The following CEP112 variants were observed in gnomAD, a reference collection of about 807,000 sequenced individuals.
The protein encoded by CEP112 is centrosomal protein 112.
Under a neutral mutation model 153.0 loss-of-function variants are expected in CEP112, and 127 were observed. The ratio of observed to expected loss-of-function variants is 0.83; its 90% CI spans 0.72 to 0.96. The LOEUF (loss-of-function observed/expected upper bound fraction) is 0.96. Among genes scored for constraint, CEP112 ranks in the 40% least tolerant of loss-of-function variants. The probability of loss-of-function intolerance (pLI) is 0.00; values close to 1 mark genes in which losing one functional copy is unlikely to be tolerated. For missense variants in CEP112, 1,089 were observed against 1,101.2 expected (o/e 0.99, Z 0.16); for synonymous variants, 358 against 374.4 (o/e 0.96, Z 0.51).
At chr17:66,100,890 T>C (rs959704959) in intron 6 of CEP112, among the ~76,000 whole-genome samples, 1 of 152,098 alleles carries the variant, frequency 6.6e-6, no homozygotes, top group Non-Finnish European at 1.5e-5. Flanking sequence ...ATAAGTAATA[T>C]AGAGATTATT....
In CEP112 at chr17:65,852,021, A is replaced by G. The variant is rs775535059; in HGVS notation, c.2177T>C (p.Met726Thr). ...TCTCAACTTGTGAACCTGGGCCTCC[A>G]TGTCGGCAATAACCTTGTTTTTAAA... ...KKRDAQVIADMEAQVHKLREE... is the reference protein window; with the variant it reads ...KKRDAQVIADTEAQVHKLREE... The change falls in exon 21 of 27, where the codon ATG (methionine) becomes ACG (threonine). Residue 726 changes from methionine to threonine, a missense_variant. Met to Thr is a moderately conservative substitution (Grantham distance 81, BLOSUM62 -1). Transcript: ENST00000535342. 1 of 1,608,350 alleles carries G rather than the reference A, an allele frequency of 6.2e-7. No individual in the cohort carries two copies. Among genetic ancestry groups the G allele is most frequent in the Non-Finnish European group, 8.5e-7 (1 of 1,178,614 alleles).
In CEP112 at chr17:66,179,884, G is replaced by C. The variant is rs76411329; in HGVS notation, c.107-2864C>G. 0.04 allele frequency among the ~76,000 whole-genome samples: 6,117 copies of C among 151,820 alleles called. 1,044 individuals are homozygous for C. In the East Asian group the frequency reaches 0.61, roughly 15 times the overall value. On this transcript the variant is annotated intron_variant, in intron 2 of 26. Transcript: ENST00000535342. ...TACTTTGATACCCAGTTTTTTTTAG[G>C]GTTTTTATCATAAAGGGATGTTGAA...
At chr17:65,877,771 G>A (rs577571818) in intron 20 of CEP112, among the ~76,000 whole-genome samples, 50 of 152,242 alleles carry the variant, frequency 3.3e-4, no homozygotes, top group African/African-American at 1.2e-3. Context: ...CATTCCAGTC[G>A]ATTTCTATGG....
rs546984843 is a variant in CEP112 at position 65,953,724 on chromosome 17, G to A, written c.1872+7739C>T. Among the ~76,000 whole-genome samples, 5 of 152,158 alleles carry A rather than the reference G, an allele frequency of 3.3e-5. No homozygotes were observed. In the East Asian group the frequency reaches 9.7e-4, roughly 29 times the overall value. On this transcript the variant is annotated intron_variant, in intron 18 of 26. Coordinates refer to ENST00000535342, the MANE Select transcript of CEP112 (RefSeq NM_001199165.4). ...CTGGTGACCTGTATGGCTCACTAGA[G>A]GCAGCCATAATCCCCCTGGAAATAT...
intron 17 of CEP112, among the ~76,000 whole-genome samples, chr17:65,982,427 C>T (rs1405004453): frequency 6.6e-6 from 1 of 152,202 alleles, no homozygotes; most frequent in East Asian, 1.9e-4. Context: ...CATTTAAGAA[C>T]ACACAATTCT....
At chr17:65,744,222 G>GT (rs894613398) in intron 22 of CEP112, among the ~76,000 whole-genome samples, 3 of 147,676 alleles carry the variant, frequency 2.0e-5, no homozygotes, top group Admixed American at 7.0e-5. Flanking sequence ...GACTTTATGG[G>GT]TTTTTTTGTG....
intron 19 of CEP112, among the ~76,000 whole-genome samples, chr17:65,912,511 A>G (rs2060326135): frequency 6.6e-6 from 1 of 152,110 alleles, no homozygotes; most frequent in Admixed American, 6.5e-5. Context: ...CCTCCCATGC[A>G]CTGGCTTCTC....
intron 12 of CEP112, among the ~76,000 whole-genome samples, chr17:66,048,526 A>G (rs1486477838): frequency 6.6e-6 from 1 of 152,262 alleles, no homozygotes; most frequent in Non-Finnish European, 1.5e-5. Context: ...GCAAAACTTT[A>G]AAGTTTTTCA....
At chr17:65,694,900 G>C (rs945998443) in intron 23 of CEP112, among the ~76,000 whole-genome samples, 1 of 152,174 alleles carries the variant, frequency 6.6e-6, no homozygotes, top group Non-Finnish European at 1.5e-5. Flanking sequence ...TTAAAGAACA[G>C]AATGTCCAAC....
intron 20 of CEP112, among the ~76,000 whole-genome samples, chr17:65,888,473 A>C (rs953701503): frequency 2.6e-5 from 4 of 151,558 alleles, no homozygotes; most frequent in Non-Finnish European, 5.9e-5. Flanking sequence ...CAATGAAAGA[A>C]GATTCAATTT....
intron 20 of CEP112, among the ~76,000 whole-genome samples, chr17:65,855,146 G>T (rs1210255416): frequency 1.3e-5 from 2 of 152,084 alleles, no homozygotes; most frequent in African/African-American, 4.8e-5. Context: ...GTCCTAAGGG[G>T]GTACAGCCTG....
At chr17:66,119,799 A>G (rs73353847) in intron 6 of CEP112, among the ~76,000 whole-genome samples, 1,635 of 152,118 alleles carry the variant, frequency 0.011, 29 homozygotes, top group African/African-American at 0.037. Flanking sequence ...ATGTGTTTTA[A>G]TTTTTTTTAA....
intron 19 of CEP112, among the ~76,000 whole-genome samples, chr17:65,909,290 G>T (rs1431752147): frequency 1.3e-5 from 2 of 152,162 alleles, no homozygotes; most frequent in Admixed American, 6.5e-5. Context: ...GTGTAAAAAC[G>T]GGTTATAGCT....
intron 21 of CEP112, among the ~76,000 whole-genome samples, chr17:65,751,993 TCTATCTATCTAC>T (rs1470092282): frequency 2.2e-5 from 3 of 138,938 alleles, no homozygotes; most frequent in Admixed American, 7.3e-5. Flanking sequence ...TATCTATCTA[TCTATCTATCTAC>T]TGTTCCTTTC....
intron 18 of CEP112, among the ~76,000 whole-genome samples, chr17:65,959,153 G>A (rs549587591): frequency 1.3e-5 from 2 of 152,046 alleles, no homozygotes; most frequent in African/African-American, 2.4e-5. Flanking sequence ...ACTGAGAGCT[G>A]GGGAGATGAG....
At chr17:65,970,089 A>G (rs2062612480) in intron 17 of CEP112, among the ~76,000 whole-genome samples, 1 of 152,232 alleles carries the variant, frequency 6.6e-6, no homozygotes. Flanking sequence ...TGCCACCTGC[A>G]TATTACATGT....
intron 21 of CEP112, among the ~76,000 whole-genome samples, chr17:65,827,837 C>T (rs1383903282): frequency 6.6e-6 from 1 of 152,312 alleles, no homozygotes; most frequent in East Asian, 1.9e-4. Flanking sequence ...TCAGCAATTT[C>T]TTCCTCCGAA....
At chr17:65,756,861 T>G (rs994790667) in intron 21 of CEP112, among the ~76,000 whole-genome samples, 8 of 152,298 alleles carry the variant, frequency 5.3e-5, no homozygotes, top group African/African-American at 1.9e-4. Context: ...AGACATGTCC[T>G]TGAGTTAAGG....
chr17:66,129,745 C>T lies in CEP112; in HGVS notation c.642+1G>A, dbSNP rs989896511. ...TACATAAAGCAAATACTTTTTTTTA[C>T]CCCAAGATTCCAACTATTAAGGCGA... is the stretch of plus-strand genomic sequence containing the variant. On this transcript the variant is annotated splice_donor_variant, in intron 6 of 26. Transcript: ENST00000535342. LOFTEE classifies it high-confidence loss of function. The T allele has an allele frequency of 6.2e-7, 1 of 1,601,948 alleles. No individual in the cohort carries two copies.
Sources: allele counts gnomAD v4.1 joint callset (sites outside exome capture counted in the v4.1 genomes callset), GRCh38; gene constraint gnomAD v4.1.1; transcripts MANE v1.5; gene names NCBI Gene and HGNC (gene_info 2026-07-23, HGNC 2026-07-21).